The following FER variants were observed in gnomAD, a reference collection of about 807,000 sequenced individuals.
FER encodes FER tyrosine kinase.
A neutral mutation model predicts 111.0 loss-of-function variants in FER; 63 were observed. The ratio of observed to expected loss-of-function variants is 0.57; its 90% CI spans 0.46 to 0.70. The LOEUF (loss-of-function observed/expected upper bound fraction) is 0.70, where lower values mean the gene tolerates loss of function less well. Ranked by LOEUF, FER falls within the 30% of genes least tolerant of loss-of-function variation. FER has a pLI of 0.00. For missense variants in FER, 914 were observed against 954.0 expected, an observed-to-expected ratio of 0.96 and a Z score of 0.55; for synonymous variants, 327 against 313.9, an observed-to-expected ratio of 1.04 and a Z score of -0.44.
chr5:108,926,628 A>C (rs1753776185), intron 10 of FER, among the ~76,000 whole-genome samples: 1 of 152,182 alleles, frequency 6.6e-6, no homozygotes, highest in Admixed American at 6.5e-5. Context: ...ATACTGACCT[A>C]AGTATAATGA....
chr5:109,034,106 A>G (rs2149871750), intron 13 of FER, among the ~76,000 whole-genome samples: 1 of 152,266 alleles, frequency 6.6e-6, no homozygotes, highest in Non-Finnish European at 1.5e-5. Flanking sequence ...TCTAACTGAG[A>G]CTTTGTACCA....
intron 13 of FER, among the ~76,000 whole-genome samples, chr5:109,031,371 A>T (rs553012681): frequency 1.3e-5 from 2 of 152,174 alleles, no homozygotes; most frequent in South Asian, 4.1e-4. Context: ...TCCTGTGGAA[A>T]GGAGCAGGGA....
chr5:108,758,950 T>C (rs1361410823), intron 1 of FER, among the ~76,000 whole-genome samples: 1 of 152,212 alleles, frequency 6.6e-6, no homozygotes, highest in Non-Finnish European at 1.5e-5. Context: ...AATTTCTTGC[T>C]TATAACTTTC....
chr5:108,986,029 G>A (rs1165278970), intron 13 of FER, among the ~76,000 whole-genome samples: 2 of 152,138 alleles, frequency 1.3e-5, no homozygotes, highest in Non-Finnish European at 2.9e-5. Flanking sequence ...TTCCATAGTG[G>A]TTATACTTGT....
chr5:108,755,504 A>C (rs1750989788), intron 1 of FER, among the ~76,000 whole-genome samples: 1 of 152,002 alleles, frequency 6.6e-6, no homozygotes, highest in Admixed American at 6.6e-5. Flanking sequence ...TTGTTTTTTG[A>C]GACAGAATTC....
At chr5:108,884,762 C>G (rs1312347630) in intron 9 of FER, among the ~76,000 whole-genome samples, 4 of 151,910 alleles carry the variant, frequency 2.6e-5, no homozygotes, top group Non-Finnish European at 2.9e-5. Flanking sequence ...CGAACTTGTT[C>G]CAAGAGTGAT....
intron 5 of FER, among the ~76,000 whole-genome samples, chr5:108,854,903 C>T (rs1762848327): frequency 6.9e-6 from 1 of 144,300 alleles, no homozygotes; most frequent in African/African-American, 2.6e-5. Context: ...AGATTGCCCC[C>T]ACTGCACTCC....
intron 16 of FER, among the ~76,000 whole-genome samples, chr5:109,094,895 A>G (rs141956109): frequency 2.0e-5 from 3 of 152,180 alleles, no homozygotes; most frequent in Admixed American, 1.3e-4. Context: ...TTCTAATGCA[A>G]ACATTCTGAG....
chr5:109,025,351 G>T (rs1440511398), intron 13 of FER, among the ~76,000 whole-genome samples: 1 of 152,122 alleles, frequency 6.6e-6, no homozygotes, highest in African/African-American at 2.4e-5. Flanking sequence ...TTGTAAGTTG[G>T]ATTCCTAGGT....
chr5:108,776,975 A>G (rs1279768353), intron 2 of FER, among the ~76,000 whole-genome samples: 6 of 152,188 alleles, frequency 3.9e-5, no homozygotes, highest in African/African-American at 1.4e-4. Flanking sequence ...TATACTTACT[A>G]TGCAGGAAAT....
At position 108,925,731 on chromosome 5, in the gene FER, C is replaced by T. The variant is rs183559814; in HGVS notation, c.1237-20399C>T. ...CACGATTCTTGCTTTAATATTACTACATCCAGTGTTTGGGTTATGGTGTTC... is the reference window on the plus strand; with the variant it reads ...CACGATTCTTGCTTTAATATTACTATATCCAGTGTTTGGGTTATGGTGTTC... On this transcript the variant is annotated intron_variant, in intron 10 of 19. Transcript: ENST00000281092. Among the ~76,000 whole-genome samples the T allele has an allele frequency of 3.3e-5, 5 of 152,198 alleles. No individual in the cohort carries two copies. In the East Asian group the frequency reaches 9.6e-4, roughly 29 times the overall value.
At chr5:109,162,735 C>G (rs960066276) in intron 17 of FER, among the ~76,000 whole-genome samples, 2 of 152,044 alleles carry the variant, frequency 1.3e-5, no homozygotes, top group Non-Finnish European at 2.9e-5. Context: ...ATTAGTAACA[C>G]CAGTAACTTT....
intron 10 of FER, among the ~76,000 whole-genome samples, chr5:108,901,917 C>T (rs1375029800): frequency 1.3e-5 from 2 of 152,178 alleles, no homozygotes; most frequent in African/African-American, 2.4e-5. Flanking sequence ...TGCCACTGCA[C>T]TCCAGCCTGG....
intron 10 of FER, among the ~76,000 whole-genome samples, chr5:108,920,837 A>G (rs1752925333): frequency 6.6e-6 from 1 of 152,138 alleles, no homozygotes; most frequent in African/African-American, 2.4e-5. Flanking sequence ...GTATTCCTAT[A>G]TAACCAGAAT....
chr5:109,096,188 T>A lies in FER; in HGVS notation c.1925-4208T>A, dbSNP rs577816142. Among the ~76,000 whole-genome samples, 4 of 152,128 alleles carry A rather than the reference T, an allele frequency of 2.6e-5. No individual in the cohort carries two copies. In the East Asian group the frequency reaches 5.8e-4, roughly 22 times the overall value. ...TTTTCACAGCACAGAGTAGCAGAAA[T>A]CTTTGAGAAACAGTTGTTGAAAATA... On this transcript the variant is annotated intron_variant, in intron 16 of 19. Transcript: ENST00000281092.
intron 12 of FER, among the ~76,000 whole-genome samples, chr5:108,957,369 C>T (rs1045031644): frequency 1.3e-5 from 2 of 151,516 alleles, no homozygotes; most frequent in Non-Finnish European, 3.0e-5. Flanking sequence ...TATCACTGAT[C>T]ATCAGAGAAG....
At chr5:109,150,368 T>C (rs1754697780) in intron 17 of FER, among the ~76,000 whole-genome samples, 1 of 152,132 alleles carries the variant, frequency 6.6e-6, no homozygotes. Context: ...CCCATCTCAC[T>C]TTGTTATTTC....
chr5:109,043,799 C>T (rs1259115650), intron 14 of FER, among the ~76,000 whole-genome samples: 2 of 151,962 alleles, frequency 1.3e-5, no homozygotes, highest in Non-Finnish European at 2.9e-5. Flanking sequence ...GCTGAAACCC[C>T]ATCTCTACTA....
At chr5:109,118,174 C>T (rs1443242179) in intron 17 of FER, among the ~76,000 whole-genome samples, 8 of 151,998 alleles carry the variant, frequency 5.3e-5, no homozygotes, top group Non-Finnish European at 1.0e-4. Context: ...TTTTGAGATA[C>T]GTCCCATCAA....
Sources: gnomAD v4.1 joint callset for allele counts (sites outside exome capture counted in the v4.1 genomes callset) on GRCh38, gnomAD v4.1.1 for gene constraint, MANE v1.5 for transcripts, NCBI Gene and HGNC (gene_info 2026-07-23, HGNC 2026-07-21) for gene names.